ALK: variants seen among roughly 807,000 people sequenced by gnomAD.
ALK encodes ALK tyrosine kinase receptor.
Under a neutral mutation model 163.1 loss-of-function variants are expected in ALK, and 74 were observed. The observed-to-expected ratio is 0.45, with a 90% confidence interval of 0.38 to 0.55. The LOEUF (loss-of-function observed/expected upper bound fraction) is 0.55. Among genes scored for constraint, ALK ranks in the 20% least tolerant of loss-of-function variants. ALK has a pLI of 0.00. For missense variants in ALK, 2,063 were observed against 2,105.3 expected (o/e 0.98, Z 0.39); for synonymous variants, 960 against 843.2 (o/e 1.14, Z -2.40).
chr2:29,851,443 G>A (rs1665989578), intron 1 of ALK, among the ~76,000 whole-genome samples: 1 of 152,094 alleles, frequency 6.6e-6, no homozygotes, highest in Non-Finnish European at 1.5e-5. Context: ...TCTGAATCTC[G>A]CATTCCCTTC....
intron 1 of ALK, among the ~76,000 whole-genome samples, chr2:29,759,682 C>A (rs1680645053): frequency 1.3e-5 from 2 of 152,160 alleles, no homozygotes; most frequent in Non-Finnish European, 2.9e-5. Context: ...TGTCTATATT[C>A]CAGTCCTTTG....
At chr2:29,710,499 CGTGTGTGTGTGTGTGTGTGT>C (rs55939983) in intron 2 of ALK, among the ~76,000 whole-genome samples, 1 of 144,660 alleles carries the variant, frequency 6.9e-6, no homozygotes, top group Non-Finnish European at 1.5e-5. Context: ...AGTCTGTGTG[CGTGTGTGTGTGTGTGTGTGT>C]GTGTGTGTGT....
intron 3 of ALK, among the ~76,000 whole-genome samples, chr2:29,626,479 G>A (rs1676197664): frequency 6.6e-6 from 1 of 152,156 alleles, no homozygotes; most frequent in African/African-American, 2.4e-5. Context: ...CCATGATTGT[G>A]AGGCTTCCCC....
At chr2:29,610,087 G>A (rs1427395963) in intron 3 of ALK, among the ~76,000 whole-genome samples, 1 of 152,202 alleles carries the variant, frequency 6.6e-6, no homozygotes, top group Non-Finnish European at 1.5e-5. Flanking sequence ...CAGTAGGCCT[G>A]TGAACCCAGA....
intron 5 of ALK, among the ~76,000 whole-genome samples, chr2:29,359,252 T>A (rs1022377031): frequency 3.6e-4 from 55 of 152,334 alleles, no homozygotes; most frequent in African/African-American, 1.3e-3. Flanking sequence ...GGAGTCAAGG[T>A]TTGCATTGCG....
intron 3 of ALK, among the ~76,000 whole-genome samples, chr2:29,651,812 C>T (rs1411590312): frequency 2.6e-5 from 4 of 152,128 alleles, no homozygotes; most frequent in Admixed American, 6.6e-5. Flanking sequence ...AACAATAGCT[C>T]TCTCCTTGCA....
At chr2:29,780,214 G>A (rs1016563649) in intron 1 of ALK, among the ~76,000 whole-genome samples, 3 of 152,250 alleles carry the variant, frequency 2.0e-5, no homozygotes, top group East Asian at 3.9e-4. Flanking sequence ...CAACCCTCAG[G>A]GTCTTGGTGC....
At chr2:29,483,644 C>CA (rs1671716816) in intron 4 of ALK, among the ~76,000 whole-genome samples, 1 of 152,168 alleles carries the variant, frequency 6.6e-6, no homozygotes, top group Non-Finnish European at 1.5e-5. Flanking sequence ...AATTAGTACT[C>CA]ACATACCCAA....
chr2:29,661,382 A>G (rs1677341170), intron 3 of ALK, among the ~76,000 whole-genome samples: 1 of 152,166 alleles, frequency 6.6e-6, no homozygotes, highest in Non-Finnish European at 1.5e-5. Flanking sequence ...CACTGATGCT[A>G]TGATTGTCAA....
intron 3 of ALK, among the ~76,000 whole-genome samples, chr2:29,622,208 T>C (rs1296371664): frequency 5.3e-5 from 8 of 152,192 alleles, no homozygotes; most frequent in Admixed American, 3.3e-4. Context: ...TATTAAAACT[T>C]ACCAATCAAC....
At chr2:29,816,485 C>A (rs535420659) in intron 1 of ALK, among the ~76,000 whole-genome samples, 2 of 152,220 alleles carry the variant, frequency 1.3e-5, no homozygotes, top group Non-Finnish European at 2.9e-5. Flanking sequence ...GCAACATGCC[C>A]AGCAGGCAGG....
At chr2:29,856,988 G>A (rs778340359) in intron 1 of ALK, among the ~76,000 whole-genome samples, 17 of 152,082 alleles carry the variant, frequency 1.1e-4, no homozygotes, top group Admixed American at 2.0e-4. Context: ...TGTGTGTGTC[G>A]TGTACAGGAC....
At chr2:29,201,761 G>A (rs530479164) in intron 26 of ALK, among the ~76,000 whole-genome samples, 2 of 148,048 alleles carry the variant, frequency 1.4e-5, no homozygotes, top group East Asian at 2.0e-4. Context: ...TACTCCAGCC[G>A]GGGCGACAGA....
intron 1 of ALK, among the ~76,000 whole-genome samples, chr2:29,770,992 GACAC>G (rs1376914101): frequency 1.4e-5 from 2 of 143,070 alleles, no homozygotes; most frequent in African/African-American, 2.8e-5. Context: ...CAGAAACACA[GACAC>G]ACACATGCAC....
Position 29,207,255 on chromosome 2 carries a change from T to A in ALK, c.3854A>T (p.Lys1285Met), listed in dbSNP as rs2148152197. The A allele has an allele frequency of 6.2e-7, 1 of 1,614,144 alleles. No homozygotes were observed. Among genetic ancestry groups the A allele is most frequent in the Non-Finnish European group, 8.5e-7 (1 of 1,179,972 alleles). Reference protein sequence around the residue: ...RDIYRASYYRKGGCAMLPVKW... With the variant: ...RDIYRASYYRMGGCAMLPVKW... ...AACTGGCAGCATGGCACAGCCTCCC[T>A]TTCTATAGTAGCTCGCCCTGTGGGG... is the stretch of plus-strand genomic sequence containing the variant. Residue 1285 changes from lysine to methionine, a missense_variant, in exon 26 of 29, where the codon AAG becomes ATG. Around this residue, in one of 5 missense-constraint regions of ALK, gnomAD observed 83 missense variants for 139.7 expected, o/e 0.59. Transcript: ENST00000389048.
At chr2:29,446,098 CAAAAAAAAAA>C (rs60360983) in intron 4 of ALK, among the ~76,000 whole-genome samples, 2 of 17,212 alleles carry the variant, frequency 1.2e-4, no homozygotes, top group Non-Finnish European at 2.2e-4. Flanking sequence ...GACTCCGTCT[CAAAAAAAAAA>C]AAAAAAAAAA....
intron 3 of ALK, among the ~76,000 whole-genome samples, chr2:29,644,478 C>T (rs1676815886): frequency 6.6e-6 from 1 of 151,932 alleles, no homozygotes; most frequent in East Asian, 2.0e-4. Flanking sequence ...CTAGCTTTCC[C>T]TGTGGTTTCA....
chr2:29,912,333 A>C (rs1183257868), intron 1 of ALK, among the ~76,000 whole-genome samples: 1 of 152,198 alleles, frequency 6.6e-6, no homozygotes, highest in Non-Finnish European at 1.5e-5. Context: ...AAGCCAAGAA[A>C]AAAATATTGA....
At chr2:29,759,440 C>T (rs1030008688) in intron 1 of ALK, among the ~76,000 whole-genome samples, 13 of 150,028 alleles carry the variant, frequency 8.7e-5, no homozygotes, top group East Asian at 1.9e-4. Context: ...TGCATGTGTG[C>T]GTGCGTGCGT....
Sources: allele counts gnomAD v4.1 joint callset (sites outside exome capture counted in the v4.1 genomes callset), GRCh38; gene constraint gnomAD v4.1.1; regional missense constraint gnomAD v4.1.1; transcripts MANE v1.5; gene names NCBI Gene and HGNC (gene_info 2026-07-23, HGNC 2026-07-21).